Variants in SYTL5 observed in about 807,000 individuals in gnomAD.
SYTL5 encodes the protein synaptotagmin-like protein 5.
SYTL5 carries 34 observed loss-of-function variants against 55.9 expected under a neutral mutation model. The observed-to-expected ratio is 0.61, with a 90% CI of 0.46 to 0.81. The LOEUF is 0.81. Ranked by LOEUF, SYTL5 falls within the 30% of genes least tolerant of loss-of-function variation. The pLI, the probability that SYTL5 is intolerant of heterozygous loss-of-function variation, is 0.00. For synonymous variants in SYTL5, 221 were observed against 188.7 expected, an observed-to-expected ratio of 1.17 and a Z score of -1.40; for missense variants, 637 against 546.7, an observed-to-expected ratio of 1.17 and a Z score of -1.65.
chrX:37,986,834 T>C, the SYTL5 span, among the ~76,000 whole-genome samples: 1 of 111,722 alleles, frequency 9.0e-6, no homozygotes, highest in Admixed American at 9.5e-5. Flanking sequence ...AGTAAGCAGG[T>C]TTCTATTACT....
At chrX:37,946,573 G>T in the SYTL5 span, 1 of 162,222 alleles carries the variant, frequency 6.2e-6, no homozygotes. Flanking sequence ...AACTATTGAT[G>T]CCCATCGTGG....
At chrX:37,944,972 TTAAA>T in the SYTL5 span, among the ~76,000 whole-genome samples, 2 of 112,701 alleles carry the variant, frequency 1.8e-5, no homozygotes, top group Non-Finnish European at 3.8e-5. Context: ...ATACTAATAA[TTAAA>T]TAGATGGTCG....
intron 2 of SYTL5, among the ~76,000 whole-genome samples, chrX:38,045,958 C>A (rs1313386305): frequency 8.9e-6 from 1 of 111,923 alleles, no homozygotes; most frequent in Non-Finnish European, 1.9e-5. Context: ...TGAGGCTTAA[C>A]TTTGAGTGTG....
At chrX:37,895,458 C>CCCTCCG in the SYTL5 span, among the ~76,000 whole-genome samples, 1 of 57,278 alleles carries the variant, frequency 1.7e-5, no homozygotes, top group African/African-American at 1.2e-4. Context: ...CCTTCCTTCC[C>CCCTCCG]TCCCTCCCTC....
chrX:38,106,509 A>G (rs1347777971), intron 10 of SYTL5, 84 bp from the exon 11 acceptor site: 3 of 862,644 alleles, frequency 3.5e-6, no homozygotes, highest in East Asian at 6.6e-5. Context: ...AAGAACAGGA[A>G]CTATAATTGA....
intron 3 of SYTL5, among the ~76,000 whole-genome samples, chrX:38,064,083 G>A (rs1936029729): frequency 9.0e-6 from 1 of 110,744 alleles, no homozygotes; most frequent in Non-Finnish European, 1.9e-5. Context: ...GTGTGTGTGT[G>A]TGTGTATGTG....
Position 38,052,594 on chromosome X carries a change from A to G in SYTL5, c.120-1619A>G, listed in dbSNP as rs756100992. ...TGAGTCTTACAATACCTCACAAGCT[A>G]GTTTGAAAGATCAAAAGAAATAATA... On this transcript the variant is annotated intron_variant, in intron 2 of 16. Transcript: ENST00000297875. 2.9e-4 allele frequency among the ~76,000 whole-genome samples: 33 copies of G among 112,190 alleles called. 1 individual carries two copies. In the South Asian group the frequency reaches 0.012, roughly 42 times the overall value.
At chrX:37,906,722 T>C in the SYTL5 span, 1 of 112,641 alleles carries the variant, frequency 8.9e-6, no homozygotes, top group Non-Finnish European at 1.9e-5. Flanking sequence ...AAGGACACTA[T>C]TGAATGTTTT....
At chrX:37,977,700 TCACACACACACACACACACACACA>T in the SYTL5 span, among the ~76,000 whole-genome samples, 22 of 82,552 alleles carry the variant, frequency 2.7e-4, no homozygotes, top group Non-Finnish European at 4.8e-4. Flanking sequence ...GGACCAATGA[TCACACACACACACACACACACACA>T]CACACACACA....
At chrX:38,041,929 T>C (rs1448116969) in intron 2 of SYTL5, among the ~76,000 whole-genome samples, 1 of 111,601 alleles carries the variant, frequency 9.0e-6, no homozygotes, top group Non-Finnish European at 1.9e-5. Context: ...TCAGTGTAGT[T>C]GTGATATCCA....
chrX:37,939,301 A>G, the SYTL5 span, among the ~76,000 whole-genome samples: 2 of 111,422 alleles, frequency 1.8e-5, no homozygotes, highest in Admixed American at 9.5e-5. Context: ...AAGATAACCC[A>G]TTCCACAAGA....
At chrX:38,079,267 C>A (rs1461203914) in intron 6 of SYTL5, among the ~76,000 whole-genome samples, 2 of 111,367 alleles carry the variant, frequency 1.8e-5, no homozygotes, top group Non-Finnish European at 3.8e-5. Context: ...AGCTGGGCTT[C>A]GGCATTCCTT....
chrX:37,939,761 A>G, the SYTL5 span: 1 of 112,052 alleles, frequency 8.9e-6, no homozygotes, highest in Non-Finnish European at 1.9e-5. Flanking sequence ...CAATACCCCT[A>G]GAGGCAAGGC....
intron 2 of SYTL5, among the ~76,000 whole-genome samples, chrX:38,046,648 A>T (rs1935471529): frequency 9.0e-6 from 1 of 111,400 alleles, no homozygotes. Context: ...TCATGTCCTC[A>T]CATTTCAAAA....
chrX:38,072,094 A>C lies in SYTL5; in HGVS notation c.377A>C (p.Lys126Thr), dbSNP rs1345016697. ...GAGTGGTTTTTTGAAGAAAAGGCAA[A>C]ACGTTTCAAGCAAGTCAATGTTCTC... ...TGEWFFEEKA[K>T]RFKQVNVLGT... The change falls in exon 4 of 17, where the codon AAA becomes ACA. Residue 126 changes from lysine to threonine, a missense_variant. Physicochemically the swap from Lys to Thr is moderately conservative, Grantham distance 78 (BLOSUM62 -1). Transcript: ENST00000297875. 1 of 1,211,042 alleles carries C rather than the reference A, an allele frequency of 8.3e-7. No homozygotes were observed. The highest frequency in any genetic ancestry group is 1.8e-5 in the South Asian group (1 of 56,915).
chrX:38,075,218 T>C (rs1020734154), intron 5 of SYTL5, among the ~76,000 whole-genome samples: 6 of 111,625 alleles, frequency 5.4e-5, no homozygotes, highest in African/African-American at 1.6e-4. Context: ...ATTGTAGCAC[T>C]GGGCTGAGCC....
At chrX:38,081,076 C>T (rs1936520807) in intron 6 of SYTL5, among the ~76,000 whole-genome samples, 1 of 112,443 alleles carries the variant, frequency 8.9e-6, no homozygotes, top group Non-Finnish European at 1.9e-5. Context: ...GGTGACTCAA[C>T]AGGATAAAGG....
chrX:37,968,375 C>A, the SYTL5 span, among the ~76,000 whole-genome samples: 2 of 111,399 alleles, frequency 1.8e-5, no homozygotes, highest in African/African-American at 6.5e-5. Flanking sequence ...GTTCTGATCC[C>A]AGGAAGCCTT....
chrX:38,112,404 A>G (rs1937380041), intron 13 of SYTL5, among the ~76,000 whole-genome samples: 1 of 112,138 alleles, frequency 8.9e-6, no homozygotes, highest in African/African-American at 3.2e-5. Flanking sequence ...GCTATCTTCC[A>G]TGGAATTATG....
Sources: allele counts gnomAD v4.1 joint callset (sites outside exome capture counted in the v4.1 genomes callset), GRCh38; gene constraint gnomAD v4.1.1; transcripts MANE v1.5; gene names NCBI Gene and HGNC (gene_info 2026-07-23, HGNC 2026-07-21).